The following TMUB2 variants were observed in gnomAD, a reference collection of about 807,000 sequenced individuals.
TMUB2 encodes transmembrane and ubiquitin like domain containing 2, also known as transmembrane and ubiquitin-like domain-containing protein 2.
In TMUB2, 19 loss-of-function variants were observed where a neutral mutation model predicts 20.2. The observed-to-expected ratio is 0.94, with a 90% CI of 0.66 to 1.38. The LOEUF (loss-of-function observed/expected upper bound fraction) is 1.38. TMUB2 is among the 40% of genes most tolerant of loss of function. TMUB2 has a pLI of 0.00. For synonymous variants in TMUB2, 186 were observed against 166.0 expected (o/e 1.12, Z -0.92); for missense variants, 426 against 402.5 (o/e 1.06, Z -0.50).
chr17:44,189,542 G>T lies in TMUB2; in HGVS notation c.556G>T (p.Glu186Ter), dbSNP rs759605364. Reference sequence around the variant, plus strand: ...GCTCAAATTCCTCAATGATACCGAGGAGCTGGCTGTGGCTAGGCCAGAGGA... The same window carrying T: ...GCTCAAATTCCTCAATGATACCGAGTAGCTGGCTGTGGCTAGGCCAGAGGA... Reference protein sequence around the residue: ...VRLKFLNDTEELAVARPEDTV... With the variant: ...VRLKFLNDTE Residue 186 changes from glutamate to a stop codon, truncating the protein, a stop_gained, in exon 3 of 4, where the codon GAG (glutamate) becomes TAG (stop). Coordinates refer to ENST00000538716, the MANE Select transcript of TMUB2 (RefSeq NM_001076674.3). LOFTEE classifies it high-confidence loss of function. 54 of 1,612,556 alleles carry T rather than the reference G, an allele frequency of 3.3e-5. 1 individual carries two copies. The highest frequency in any genetic ancestry group is 4.4e-5 in the Non-Finnish European group (52 of 1,179,244).
rs1031816916 is a variant in TMUB2, at chr17:44,191,391, C to A, written c.*527C>A. The A allele has an allele frequency of 1.3e-5, 13 of 987,358 alleles. No homozygotes were observed. In the African/African-American group the frequency reaches 2.3e-4, roughly 17 times the overall value. The allele number at this position is 987,358 out of a possible 1,614,324, so 61.2% of individuals were successfully genotyped here. On this transcript the variant is annotated 3_prime_UTR_variant, in exon 4 of 4. Transcript: ENST00000538716. The stretch of plus-strand genomic sequence containing the variant: ...TCTTATGGGCACCTAGCCGCCTTCA[C>A]CTTCTTCCTCTACCCCTTAGCAGGA...
rs762265904 is a variant in TMUB2, at chr17:44,189,415, G to A, written c.429G>A (p.Leu143=). Residue 143 remains leucine, a synonymous_variant, in exon 3 of 4, where the codon CTG becomes CTA. Coordinates refer to ENST00000538716, the MANE Select transcript of TMUB2 (RefSeq NM_001076674.3). ...AGCATCTCCTTGACATCCAAGGCCT[G>A]CCCAAAAGACAAGCAGGTGCAGGCA... ...SLEHLLDIQG[L]PKRQAGAGSS... is the part of the protein sequence containing the mutation. 4 of 1,613,904 alleles carry A rather than the reference G, an allele frequency of 2.5e-6. No individual in the cohort carries two copies. The highest frequency in any genetic ancestry group is 3.4e-6 in the Non-Finnish European group (4 of 1,179,972).
Position 44,189,485 on chromosome 17 carries a change from C to T in TMUB2, c.499C>T (p.Leu167Phe), listed in dbSNP as rs777733739. The change falls in exon 3 of 4, where the codon CTC (leucine) becomes TTC (phenylalanine). Residue 167 changes from leucine to phenylalanine, a missense_variant. By Grantham distance (22) the Leu-to-Phe change is conservative. Transcript: ENST00000538716. ...CCTGAGATCTGAGGATAGCACCTGC[C>T]TCCCTCCCAGCCCTGGCCTCATCAC... ...APLRSEDSTC[L>F]PPSPGLITVR... The T allele has an allele frequency of 6.2e-6, 10 of 1,613,992 alleles. No individual in the cohort carries two copies. The highest frequency in any genetic ancestry group is 1.6e-4 in the Middle Eastern group (1 of 6,082).
Position 44,189,294 on chromosome 17 carries a change from C to A in TMUB2, c.308C>A (p.Ser103Ter). ...NPEPTELPHP[S>*]EGNDEKAEEA... ...GAGCCAACTGAACTCCCCCATCCAT[C>A]AGAGGGTAATGATGAGAAGGCTGAA... Residue 103 changes from serine (S) to a stop codon, truncating the protein, a stop_gained, in exon 3 of 4, where the codon TCA (serine) becomes TAA (stop). Coordinates refer to ENST00000538716, the MANE Select transcript of TMUB2 (RefSeq NM_001076674.3). LOFTEE classifies it high-confidence loss of function. 1 of 1,601,666 alleles carries A rather than the reference C, an allele frequency of 6.2e-7. No homozygotes were observed. Among genetic ancestry groups the A allele is most frequent in the South Asian group, 1.1e-5 (1 of 88,988 alleles).
In TMUB2 at chr17:44,191,748, G is replaced by C. The variant is rs1488363109; in HGVS notation, c.*884G>C. On this transcript the variant is annotated 3_prime_UTR_variant, in exon 4 of 4. Transcript: ENST00000538716. Reference sequence around the variant, plus strand: ...GGTCCTGCAGCCTCTTTCTGTGACAGAGAATGGCTTTGCGCTGCCCCCAGG... The same window carrying C: ...GGTCCTGCAGCCTCTTTCTGTGACACAGAATGGCTTTGCGCTGCCCCCAGG... 1.0e-6 allele frequency: 1 copy of C among 985,614 alleles called. No homozygotes were observed. Among genetic ancestry groups the C allele is most frequent in the Non-Finnish European group, 1.2e-6 (1 of 829,852 alleles). 61.1% of individuals were successfully genotyped at this position (985,614 alleles called of 1,614,324 possible). A position where few individuals can be genotyped will look rare whatever the true frequency, so the allele number is the denominator to read the frequency against.
intron 3 of TMUB2, 115 bp downstream of exon 3, chr17:44,189,703 C>T (rs1598163309): frequency 2.0e-6 from 2 of 995,342 alleles, no homozygotes; most frequent in East Asian, 5.3e-5. Context: ...CCAGCCCCTA[C>T]CAAGGGCAGG....
chr17:44,187,535 G>C (rs1290895556), intron 1 of TMUB2, 141 bp from the exon 2 acceptor site: 9 of 630,612 alleles, frequency 1.4e-5, no homozygotes, highest in Non-Finnish European at 2.3e-5. Flanking sequence ...CCCTGTGTCT[G>C]TGCCAATCGT....
In TMUB2 at chr17:44,191,350, G is replaced by C. The variant is rs1207248083; in HGVS notation, c.*486G>C. ...CTGAAATCACACTGGCGGGAATGAA[G>C]ATTGTGCCAGCCTTCTCTTATGGGC... On this transcript the variant is annotated 3_prime_UTR_variant, in exon 4 of 4. Transcript: ENST00000538716. The C allele has an allele frequency of 1.0e-6, 1 of 988,776 alleles. No homozygotes were observed. The highest frequency in any genetic ancestry group is 1.2e-6 in the Non-Finnish European group (1 of 831,810). 61.3% of individuals were successfully genotyped at this position (988,776 alleles called of 1,614,324 possible).
intron 2 of TMUB2, among the ~76,000 whole-genome samples, chr17:44,188,698 A>AT (rs2054857483): frequency 6.6e-6 from 1 of 152,172 alleles, no homozygotes; most frequent in Non-Finnish European, 1.5e-5. Flanking sequence ...ATTTTTCCTC[A>AT]TTCACCAAAA....
At chr17:44,190,442 C>CTGTT in intron 3 of TMUB2, 59 bp from the exon 4 acceptor site, 1 of 1,528,202 alleles carries the variant, frequency 6.5e-7, no homozygotes, top group South Asian at 1.3e-5. Context: ...TGGTCCAGGC[C>CTGTT]TGTTTGCCTT....
chr17:44,188,844 G>T, intron 2 of TMUB2, 178 bp from the exon 3 acceptor site: 1 of 1,086,142 alleles, frequency 9.2e-7, no homozygotes, highest in Non-Finnish European at 1.3e-6. Context: ...AAAGGGTAGG[G>T]TAGGTCTTTA....
chr17:44,191,811 C>A lies in TMUB2; in HGVS notation c.*947C>A. 3 of 877,062 alleles carry A rather than the reference C, an allele frequency of 3.4e-6. No individual in the cohort carries two copies. Among genetic ancestry groups the A allele is most frequent in the Non-Finnish European group, 4.1e-6 (3 of 731,166 alleles). The allele number at this position is 877,062 out of a possible 1,614,324, so 54.3% of individuals were successfully genotyped here. On this transcript the variant is annotated 3_prime_UTR_variant, in exon 4 of 4. Transcript: ENST00000538716. ...AGAGTAGGTAGGCCGGGGCTACCAA[C>A]GGGAGATGCAGTTTATTTACACCAG... is the stretch of plus-strand genomic sequence containing the variant.
At position 44,189,344 on chromosome 17, in the gene TMUB2, T is replaced by C. The variant is rs1490154441; in HGVS notation, c.358T>C (p.Ser120Pro). Reference protein sequence around the residue: ...AEEAGEGRGDSTGEAGAGGGV... With the variant: ...AEEAGEGRGDPTGEAGAGGGV... ...AGAGGCGGGTGAAGGTCGGGGAGAC[T>C]CCACTGGGGAGGCTGGAGCTGGGGG... Residue 120 changes from serine to proline, a missense_variant, in exon 3 of 4, where the codon TCC becomes CCC. Ser to Pro is a moderately conservative substitution (Grantham distance 74, BLOSUM62 -1). Transcript: ENST00000538716. 1 of 1,598,524 alleles carries C rather than the reference T, an allele frequency of 6.3e-7. No homozygotes were observed. Among genetic ancestry groups the C allele is most frequent in the East Asian group, 2.2e-5 (1 of 44,814 alleles).
rs752137509 is a variant in TMUB2, at chr17:44,189,336, G to A, written c.350G>A (p.Arg117Gln). ...DEKAEEAGEG[R>Q]GDSTGEAGAG... Reference sequence around the variant, plus strand: ...AAGGCTGAAGAGGCGGGTGAAGGTCGGGGAGACTCCACTGGGGAGGCTGGA... The same window carrying A: ...AAGGCTGAAGAGGCGGGTGAAGGTCAGGGAGACTCCACTGGGGAGGCTGGA... The change falls in exon 3 of 4, where the codon CGG becomes CAG. Residue 117 changes from arginine to glutamine, a missense_variant. By Grantham distance (43) the Arg-to-Gln change is conservative. Coordinates refer to ENST00000538716, the MANE Select transcript of TMUB2 (RefSeq NM_001076674.3). The A allele has an allele frequency of 4.5e-5, 71 of 1,594,590 alleles. No homozygotes were observed. In the Middle Eastern group the frequency reaches 5.0e-4, roughly 11 times the overall value.
In TMUB2 at chr17:44,189,473, G is replaced by A. The variant is rs755133817; in HGVS notation, c.487G>A (p.Asp163Asn). The change falls in exon 3 of 4, where the codon GAT becomes AAT. Residue 163 changes from aspartate to asparagine, a missense_variant. Coordinates refer to ENST00000538716, the MANE Select transcript of TMUB2 (RefSeq NM_001076674.3). Reference sequence around the variant, plus strand: ...TCCAGAGGCCCCCCTGAGATCTGAGGATAGCACCTGCCTCCCTCCCAGCCC... The same window carrying A: ...TCCAGAGGCCCCCCTGAGATCTGAGAATAGCACCTGCCTCCCTCCCAGCCC... ...SSPEAPLRSE[D>N]STCLPPSPGL... The A allele has an allele frequency of 5.0e-6, 8 of 1,614,110 alleles. 1 individual carries two copies. The South Asian group carries it at 8.8e-5, about 18-fold the overall frequency.
chr17:44,188,817 A>T (rs529613159), intron 2 of TMUB2: 2 of 750,760 alleles, frequency 2.7e-6, no homozygotes, highest in Non-Finnish European at 3.9e-6. Flanking sequence ...TGAAAGCAAG[A>T]GTTTCACAAT....
rs138269684 is a variant in TMUB2 at position 44,187,382 on chromosome 17, C to A, written c.-34+273C>A. The A allele has an allele frequency of 2.0e-3, 702 of 354,698 alleles. 9 individuals are homozygous for A. The highest frequency in any genetic ancestry group is 0.017 in the Middle Eastern group (20 of 1,146). The allele number at this position is 354,698 out of a possible 1,614,324, so 22.0% of individuals were successfully genotyped here. On this transcript the variant is annotated intron_variant, in intron 1 of 3. Coordinates refer to ENST00000538716, the MANE Select transcript of TMUB2 (RefSeq NM_001076674.3). Reference sequence around the variant, plus strand: ...GGAATAGGACCATCCAAAAGCGGAACCTTCGCCTCAGAAAAAGGGTGCGGG... The same window carrying A: ...GGAATAGGACCATCCAAAAGCGGAAACTTCGCCTCAGAAAAAGGGTGCGGG...
Position 44,189,341 on chromosome 17 carries a change from G to A in TMUB2, c.355G>A (p.Asp119Asn). ...TGAAGAGGCGGGTGAAGGTCGGGGA[G>A]ACTCCACTGGGGAGGCTGGAGCTGG... is the stretch of plus-strand genomic sequence containing the variant. ...KAEEAGEGRG[D>N]STGEAGAGGG... is the part of the protein sequence containing the mutation. Residue 119 changes from aspartate to asparagine, a missense_variant, in exon 3 of 4, where the codon GAC becomes AAC. Asp to Asn is a conservative substitution (Grantham distance 23). Transcript: ENST00000538716. 1 of 1,597,398 alleles carries A rather than the reference G, an allele frequency of 6.3e-7. No homozygotes were observed. Among genetic ancestry groups the A allele is most frequent in the Non-Finnish European group, 8.5e-7 (1 of 1,171,248 alleles).
chr17:44,188,825 A>G (rs1332468938), intron 2 of TMUB2, 197 bp from the exon 3 acceptor site: 1 of 858,802 alleles, frequency 1.2e-6, no homozygotes, highest in Non-Finnish European at 1.6e-6. Context: ...AGAGTTTCAC[A>G]ATAGAGGCAA....
Sources: gnomAD v4.1 joint callset for allele counts (sites outside exome capture counted in the v4.1 genomes callset) on GRCh38, gnomAD v4.1.1 for gene constraint, MANE v1.5 for transcripts, NCBI Gene and HGNC (gene_info 2026-07-23, HGNC 2026-07-21) for gene names.